The following SFSWAP variants were observed in gnomAD, a reference collection of about 807,000 sequenced individuals.
The protein encoded by SFSWAP is splicing factor SWAP.
Under a neutral mutation model 100.7 loss-of-function variants are expected in SFSWAP, and 17 were observed. That is an observed-to-expected ratio of 0.17 (90% CI 0.12 to 0.25). The LOEUF (loss-of-function observed/expected upper bound fraction) is 0.25, where lower values mean the gene tolerates loss of function less well. Among genes scored for constraint, SFSWAP ranks in the 10% least tolerant of loss-of-function variants. The pLI is 1.00. For synonymous variants in SFSWAP, 504 were observed against 510.1 expected (o/e 0.99, Z 0.16); for missense variants, 1,005 against 1,262.6 (o/e 0.80, Z 3.09).
At chr12:131,768,819 C>T (rs1883335619) in intron 13 of SFSWAP, among the ~76,000 whole-genome samples, 1 of 152,182 alleles carries the variant, frequency 6.6e-6, no homozygotes, top group African/African-American at 2.4e-5. Flanking sequence ...TGTGGTCATT[C>T]CTTAGCTTTA....
intron 11 of SFSWAP, among the ~76,000 whole-genome samples, chr12:131,763,684 T>C (rs1411821043): frequency 6.6e-6 from 1 of 152,160 alleles, no homozygotes; most frequent in African/African-American, 2.4e-5. Flanking sequence ...AATAAAGGCA[T>C]GGATTCTGTA....
chr12:131,717,349 C>T (rs1354059604), intron 3 of SFSWAP, among the ~76,000 whole-genome samples: 1 of 152,112 alleles, frequency 6.6e-6, no homozygotes, highest in Non-Finnish European at 1.5e-5. Flanking sequence ...AGTTTTTATC[C>T]TTTAGATGTT....
intron 11 of SFSWAP, among the ~76,000 whole-genome samples, chr12:131,759,244 C>G (rs956008628): frequency 1.3e-5 from 2 of 152,082 alleles, no homozygotes; most frequent in African/African-American, 2.4e-5. Flanking sequence ...ATGAAGAAAT[C>G]AGGAACCAAC....
intron 15 of SFSWAP, among the ~76,000 whole-genome samples, chr12:131,787,527 G>C (rs1246617675): frequency 6.6e-6 from 1 of 152,202 alleles, no homozygotes; most frequent in Middle Eastern, 3.2e-3. Flanking sequence ...TGGCTGTGTG[G>C]GTGGACCGTG....
chr12:131,765,705 T>G (rs530630116), intron 12 of SFSWAP, among the ~76,000 whole-genome samples: 1 of 152,182 alleles, frequency 6.6e-6, no homozygotes, highest in South Asian at 2.1e-4. Context: ...AGAACTTCCA[T>G]TGTGCTGTGG....
intron 13 of SFSWAP, among the ~76,000 whole-genome samples, chr12:131,767,804 A>G (rs1182470112): frequency 6.6e-6 from 1 of 152,176 alleles, no homozygotes; most frequent in Non-Finnish European, 1.5e-5. Context: ...GACACAGAGA[A>G]GAGAACAGCA....
chr12:131,754,627 CTT>C (rs869226840), intron 9 of SFSWAP, 128 bp downstream of exon 9: 769 of 80,570 alleles, frequency 9.5e-3, no homozygotes, highest in South Asian at 0.046. Context: ...GCTCAAATGT[CTT>C]TTTTTTTTTT....
chr12:131,728,208 G>C (rs1879169512), intron 6 of SFSWAP, 85 bp from the exon 7 acceptor site: 1 of 1,497,940 alleles, frequency 6.7e-7, no homozygotes, highest in East Asian at 2.3e-5. Context: ...TGTACACTGA[G>C]TCCTAAAGGT....
intron 15 of SFSWAP, among the ~76,000 whole-genome samples, chr12:131,791,014 G>A (rs1046068854): frequency 8.5e-5 from 13 of 152,206 alleles, no homozygotes; most frequent in East Asian, 5.8e-4. Flanking sequence ...CAAGATTGTA[G>A]ACTTAAAACC....
At position 131,778,115 on chromosome 12, in the gene SFSWAP, T is replaced by C. The variant is rs1190644672; in HGVS notation, c.2193T>C (p.Pro731=). The part of the protein sequence containing the change: ...CPLLTGGRPL[P]TLEVKPPDRP... ...TACTGACTGGAGGCAGGCCTCTGCCTACTTTAGAAGTTAAACCACCCGATA... is the reference window on the plus strand; with the variant it reads ...TACTGACTGGAGGCAGGCCTCTGCCCACTTTAGAAGTTAAACCACCCGATA... Residue 731 remains proline (P), a synonymous_variant, in exon 14 of 18, where the codon CCT becomes CCC. Coordinates refer to ENST00000261674, the MANE Select transcript of SFSWAP (RefSeq NM_004592.4). The surrounding 1 kb of genome is among the most constrained non-coding windows in gnomAD (Gnocchi z 4.2). 1.9e-6 allele frequency: 3 copies of C among 1,613,952 alleles called. No individual in the cohort carries two copies. The highest frequency in any genetic ancestry group is 2.5e-6 in the Non-Finnish European group (3 of 1,180,026).
intron 14 of SFSWAP, chr12:131,784,012 T>C (rs1315089849): frequency 6.6e-6 from 1 of 151,606 alleles, no homozygotes; most frequent in Non-Finnish European, 1.5e-5. Context: ...AGCAAATCCG[T>C]AAAAGCGATG....
chr12:131,744,711 G>C (rs1442632179), intron 7 of SFSWAP, among the ~76,000 whole-genome samples: 1 of 152,088 alleles, frequency 6.6e-6, no homozygotes, highest in Non-Finnish European at 1.5e-5. Context: ...CCCAATTCTG[G>C]TACCAAATTA....
chr12:131,799,002 G>A (rs377379389), intron 16 of SFSWAP, 35 bp from the exon 17 acceptor site: 98 of 1,542,346 alleles, frequency 6.4e-5, no homozygotes, highest in Admixed American at 1.7e-4. Flanking sequence ...ATCTTCACAC[G>A]GTTGTAAGCT....
rs1306237067 is a variant in SFSWAP at position 131,714,898 on chromosome 12, C to T, written c.465C>T (p.Ser155=). ...SYNAVGFTYG[S]DYYDPSEPTE... ...ATGCCGTGGGGTTCACTTACGGTAG[C>T]GACTATTACGACCCGTCAGAGCCGA... Residue 155 remains serine (S), a synonymous_variant, in exon 3 of 18, where the codon AGC becomes AGT. Transcript: ENST00000261674. This position sits in a 1 kb window ranked among gnomAD's most constrained non-coding sequence, Gnocchi z 6.0. The T allele has an allele frequency of 1.9e-6, 3 of 1,614,058 alleles. No individual in the cohort carries two copies. Among genetic ancestry groups the T allele is most frequent in the Non-Finnish European group, 1.7e-6 (2 of 1,179,988 alleles).
At chr12:131,771,459 T>G (rs1883594099) in intron 13 of SFSWAP, among the ~76,000 whole-genome samples, 1 of 152,142 alleles carries the variant, frequency 6.6e-6, no homozygotes, top group African/African-American at 2.4e-5. Flanking sequence ...AATTCCTTTT[T>G]TAATTTGAGA....
At chr12:131,732,137 T>C (rs1470219746) in intron 7 of SFSWAP, among the ~76,000 whole-genome samples, 1 of 152,086 alleles carries the variant, frequency 6.6e-6, no homozygotes, top group Non-Finnish European at 1.5e-5. Flanking sequence ...CTCAAACTCC[T>C]GACCTCAGGT....
chr12:131,746,997 G>A (rs1029653390), intron 7 of SFSWAP, among the ~76,000 whole-genome samples: 4 of 151,366 alleles, frequency 2.6e-5, no homozygotes, highest in South Asian at 2.1e-4. Context: ...CCAGCTACTC[G>A]GGAGGCTGAA....
At chr12:131,731,311 C>G (rs1879485842) in intron 7 of SFSWAP, among the ~76,000 whole-genome samples, 1 of 152,214 alleles carries the variant, frequency 6.6e-6, no homozygotes, top group Admixed American at 6.5e-5. Context: ...GCCTGACTCA[C>G]ACGCACCTCC....
chr12:131,720,173 AT>A (rs1566003471), intron 4 of SFSWAP, among the ~76,000 whole-genome samples: 1 of 152,084 alleles, frequency 6.6e-6, no homozygotes, highest in Non-Finnish European at 1.5e-5. Context: ...CCAAACCAGG[AT>A]TTTTCCTTTT....
Sources: gnomAD v4.1 joint callset for allele counts (sites outside exome capture counted in the v4.1 genomes callset) on GRCh38, gnomAD v4.1.1 for gene constraint, Gnocchi (gnomAD v3.1) non-coding constraint, MANE v1.5 for transcripts, NCBI Gene and HGNC (gene_info 2026-07-23, HGNC 2026-07-21) for gene names.